The following SEPTIN10 variants were observed in gnomAD, a reference collection of about 807,000 sequenced individuals.
The protein encoded by SEPTIN10 is septin-10.
Under a neutral mutation model 54.8 loss-of-function variants are expected in SEPTIN10, and 66 were observed. That is an observed-to-expected ratio of 1.21 (90% CI 0.99 to 1.48). The LOEUF is 1.48. Ranked by LOEUF, SEPTIN10 falls within the 40% of genes most tolerant of loss-of-function variation. The pLI is 0.00. For missense variants in SEPTIN10, 620 were observed against 545.6 expected (o/e 1.14, Z -1.36); for synonymous variants, 161 against 181.0 (o/e 0.89, Z 0.89).
chr2:109,579,447 A>T (rs553850196), intron 4 of SEPTIN10, among the ~76,000 whole-genome samples: 1 of 149,630 alleles, frequency 6.7e-6, no homozygotes, highest in African/African-American at 2.5e-5. Context: ...GTAATGGCCC[A>T]ATCTTGGCTC....
rs1691959916 is a variant in SEPTIN10 at position 109,584,406 on chromosome 2, T to C, written c.413+720A>G. Among the ~76,000 whole-genome samples the C allele has an allele frequency of 2.4e-5, 3 of 126,060 alleles. No homozygotes were observed. In the South Asian group the frequency reaches 7.4e-4, roughly 31 times the overall value. 82.7% of individuals were successfully genotyped at this position (126,060 alleles called of 152,430 possible). ...AGGATAACCGCTTGAACTGGGGAGGTGGAGGTTGCAGTGAGTCGAAATCAT... is the reference window on the plus strand; with the variant it reads ...AGGATAACCGCTTGAACTGGGGAGGCGGAGGTTGCAGTGAGTCGAAATCAT... On this transcript the variant is annotated intron_variant, in intron 4 of 10. Transcript: ENST00000397712.
At chr2:109,606,711 ACT>A (rs1698079919) in intron 1 of SEPTIN10, among the ~76,000 whole-genome samples, 2 of 111,912 alleles carry the variant, frequency 1.8e-5, no homozygotes, top group African/African-American at 3.6e-5. Flanking sequence ...ATGGAGTCTC[ACT>A]CTGTCACTCA....
intron 10 of SEPTIN10, 83 bp from the exon 11 acceptor site, chr2:109,544,407 T>C (rs1680651107): frequency 3.3e-6 from 5 of 1,502,734 alleles, no homozygotes; most frequent in South Asian, 1.4e-5. Context: ...TAGTATATTA[T>C]AGGATATCTG....
At chr2:109,590,557 G>A (rs1693814105) in intron 2 of SEPTIN10, among the ~76,000 whole-genome samples, 2 of 151,798 alleles carry the variant, frequency 1.3e-5, no homozygotes, top group African/African-American at 2.4e-5. Context: ...TCAGCCTCTC[G>A]AGCAGCTAGG....
At chr2:109,545,348 A>G (rs1406829870) in intron 10 of SEPTIN10, 1 of 1,497,704 alleles carries the variant, frequency 6.7e-7, no homozygotes, top group Admixed American at 2.2e-5. Context: ...AAATAAACTT[A>G]TTTTCTAAAA....
chr2:109,572,857 C>T (rs532174078), intron 5 of SEPTIN10, among the ~76,000 whole-genome samples: 21 of 151,904 alleles, frequency 1.4e-4, no homozygotes, highest in Non-Finnish European at 2.4e-4. Flanking sequence ...CCTTGTGATC[C>T]GCCTGCCTTG....
chr2:109,588,592 C>CA (rs1693153444), intron 2 of SEPTIN10, among the ~76,000 whole-genome samples: 1 of 152,042 alleles, frequency 6.6e-6, no homozygotes, highest in Admixed American at 6.6e-5. Flanking sequence ...CCCCCAGGTT[C>CA]AAGGGATTAT....
Position 109,553,191 on chromosome 2 carries a change from G to A in SEPTIN10, c.1057C>T (p.His353Tyr), listed in dbSNP as rs374649083. ...CTCTGACGTTCACCATGGAACTCAT[G>A]TCTTTTGGCTTCATAGGTCTCTTGA... is the stretch of plus-strand genomic sequence containing the variant. ...SVQETYEAKR[H>Y]EFHGERQRKE... The change falls in exon 9 of 11, where the codon CAT becomes TAT. Residue 353 changes from histidine (H) to tyrosine (Y), a missense_variant. By Grantham distance (83) the His-to-Tyr change is moderately conservative. Transcript: ENST00000397712. 4 of 1,614,028 alleles carry A rather than the reference G, an allele frequency of 2.5e-6. No individual in the cohort carries two copies. The South Asian group carries it at 4.4e-5, about 18-fold the overall frequency.
chr2:109,558,370 C>CT (rs1448783706), intron 8 of SEPTIN10, among the ~76,000 whole-genome samples: 1 of 152,122 alleles, frequency 6.6e-6, no homozygotes, highest in Non-Finnish European at 1.5e-5. Flanking sequence ...TTAAACAACT[C>CT]TAAACTACTA....
chr2:109,589,070 A>G (rs1429608238), intron 2 of SEPTIN10, among the ~76,000 whole-genome samples: 2 of 151,848 alleles, frequency 1.3e-5, no homozygotes, highest in Non-Finnish European at 2.9e-5. Flanking sequence ...AGTTGGGATT[A>G]TAGGCGCCAC....
intron 1 of SEPTIN10, among the ~76,000 whole-genome samples, chr2:109,608,436 C>A (rs1698505044): frequency 6.6e-6 from 1 of 152,190 alleles, no homozygotes; most frequent in East Asian, 1.9e-4. Flanking sequence ...TAAACTTGAT[C>A]TGATTCTTAA....
chr2:109,568,158 C>T (rs545723356), intron 5 of SEPTIN10, among the ~76,000 whole-genome samples, 182 bp from the exon 6 acceptor site: 25 of 152,108 alleles, frequency 1.6e-4, no homozygotes, highest in Non-Finnish European at 2.8e-4. Context: ...AGGAACACTG[C>T]CATGCCCATT....
rs986683133 is a variant in SEPTIN10, at chr2:109,543,962, T to C, written c.*347A>G. The C allele has an allele frequency of 1.4e-4, 82 of 578,974 alleles. No homozygotes were observed. The highest frequency in any genetic ancestry group is 2.4e-4 in the Non-Finnish European group (79 of 334,188). 35.9% of individuals were successfully genotyped at this position (578,974 alleles called of 1,614,324 possible). ...CCTGAAAGTAATTTATACAAAAATT[T>C]TGTGCAAGAAACAAAATCTGTTTAA... On this transcript the variant is annotated 3_prime_UTR_variant, in exon 11 of 11. Transcript: ENST00000397712.
At chr2:109,590,923 A>G (rs1004910285) in intron 2 of SEPTIN10, among the ~76,000 whole-genome samples, 9 of 152,200 alleles carry the variant, frequency 5.9e-5, no homozygotes, top group African/African-American at 2.2e-4. Flanking sequence ...GCCTCCAGAT[A>G]AGAACCCAGC....
chr2:109,565,178 TC>T (rs1243267531), intron 7 of SEPTIN10, among the ~76,000 whole-genome samples: 1 of 152,138 alleles, frequency 6.6e-6, no homozygotes, highest in African/African-American at 2.4e-5. Flanking sequence ...TTATATTTTC[TC>T]AATTTTTTCA....
intron 8 of SEPTIN10, among the ~76,000 whole-genome samples, chr2:109,563,890 G>A (rs1686272954): frequency 6.6e-6 from 1 of 152,188 alleles, no homozygotes; most frequent in South Asian, 2.1e-4. Flanking sequence ...CGAGGCTGAG[G>A]TAGGAGGATC....
chr2:109,602,573 G>A (rs1428160188), intron 1 of SEPTIN10, among the ~76,000 whole-genome samples: 1 of 151,858 alleles, frequency 6.6e-6, no homozygotes, highest in Non-Finnish European at 1.5e-5. Flanking sequence ...TACTCGGGAG[G>A]GTGAGGCAGG....
chr2:109,547,722 T>C (rs977713938), intron 9 of SEPTIN10, among the ~76,000 whole-genome samples: 3 of 152,076 alleles, frequency 2.0e-5, no homozygotes, highest in Admixed American at 6.5e-5. Flanking sequence ...AACTTACAAA[T>C]AAAAAGGAAG....
At chr2:109,588,311 T>C (rs1307503846) in intron 2 of SEPTIN10, among the ~76,000 whole-genome samples, 2 of 151,978 alleles carry the variant, frequency 1.3e-5, no homozygotes, top group Non-Finnish European at 2.9e-5. Flanking sequence ...ATCAGAAAGG[T>C]AAATATGTGG....
Sources: gnomAD v4.1 joint callset for allele counts (sites outside exome capture counted in the v4.1 genomes callset) on GRCh38, gnomAD v4.1.1 for gene constraint, MANE v1.5 for transcripts, NCBI Gene and HGNC (gene_info 2026-07-23, HGNC 2026-07-21) for gene names.